NUMB: variants seen among roughly 807,000 people sequenced by gnomAD.
NUMB encodes NUMB endocytic adaptor protein, also known as protein numb homolog.
NUMB carries 29 observed loss-of-function variants against 59.7 expected under a neutral mutation model. That is an observed-to-expected ratio of 0.49 (90% CI 0.36 to 0.66). The LOEUF is 0.66. Ranked by LOEUF, NUMB falls within the 30% of genes least tolerant of loss-of-function variation. NUMB has a pLI of 0.00. For missense variants in NUMB, 723 were observed against 822.0 expected, an observed-to-expected ratio of 0.88 and a Z score of 1.47; for synonymous variants, 288 against 288.2, an observed-to-expected ratio of 1.00 and a Z score of 0.01.
chr14:73,396,545 T>TTC (rs1896149145), intron 2 of NUMB, among the ~76,000 whole-genome samples: 2 of 152,038 alleles, frequency 1.3e-5, no homozygotes, highest in Admixed American at 1.3e-4. Flanking sequence ...GTTGTTTTTT[T>TTC]GTTTTGGAGA....
chr14:73,319,000 G>A (rs935797453), intron 5 of NUMB, among the ~76,000 whole-genome samples: 1 of 152,164 alleles, frequency 6.6e-6, no homozygotes, highest in Admixed American at 6.5e-5. Context: ...AAGGCTGGGC[G>A]CAGTGGCTCA....
Position 73,391,053 on chromosome 14 carries a change from T to TA in NUMB, c.-101+18883dup, listed in dbSNP as rs1491386138. On this transcript the variant is annotated intron_variant, in intron 2 of 12. Transcript: ENST00000555238. Reference sequence around the variant, plus strand: ...TATATTCAACCTCTATTTTTGAAAATAGAGGTTGAATATATATTCAAACTC... The same window carrying TA: ...TATATTCAACCTCTATTTTTGAAAATAAGAGGTTGAATATATATTCAAACTC... Among the ~76,000 whole-genome samples the TA allele has an allele frequency of 1.1e-3, 115 of 101,396 alleles. 1 individual carries two copies. The highest frequency in any genetic ancestry group is 3.3e-3 in the African/African-American group (113 of 34,682). The allele number at this position is 101,396 out of a possible 152,430, so 66.5% of individuals were successfully genotyped here. A position where few individuals can be genotyped will look rare whatever the true frequency, so the allele number is the denominator to read the frequency against.
chr14:73,352,489 T>C (rs1219249378), intron 4 of NUMB, among the ~76,000 whole-genome samples: 129 of 6,620 alleles, frequency 0.019, 10 homozygotes, highest in East Asian at 0.026. Context: ...TATATATATA[T>C]ATATATATAT....
chr14:73,370,738 A>G (rs1336254679), intron 2 of NUMB, among the ~76,000 whole-genome samples: 1 of 152,046 alleles, frequency 6.6e-6, no homozygotes, highest in Non-Finnish European at 1.5e-5. Context: ...TATGCCAACA[A>G]TTTGAAATTT....
chr14:73,308,421 C>G (rs570818881), intron 6 of NUMB, among the ~76,000 whole-genome samples: 28 of 152,130 alleles, frequency 1.8e-4, no homozygotes, highest in African/African-American at 6.8e-4. Context: ...TAGCAGATAT[C>G]GAAGAGAAAA....
chr14:73,444,649 A>G (rs931621019), intron 1 of NUMB, among the ~76,000 whole-genome samples: 5 of 152,020 alleles, frequency 3.3e-5, no homozygotes, highest in Admixed American at 3.3e-4. Flanking sequence ...CACAAGGTCA[A>G]GAGATCGAGA....
intron 2 of NUMB, among the ~76,000 whole-genome samples, chr14:73,369,555 C>T (rs1235851132): frequency 6.6e-6 from 1 of 152,132 alleles, no homozygotes; most frequent in Admixed American, 6.5e-5. Flanking sequence ...GGCAGTAAGA[C>T]ACAAAGGGAT....
intron 5 of NUMB, among the ~76,000 whole-genome samples, chr14:73,317,225 T>C (rs17182335): frequency 0.16 from 23,827 of 152,252 alleles, 2,683 homozygotes; most frequent in Non-Finnish European, 0.23. Flanking sequence ...ATGATGTCTG[T>C]GGGCCACAAC....
rs202244370 is a variant in NUMB at position 73,309,570 on chromosome 14, AG to A, written c.234+6819del. ...GGAACACCACACACTGGGGCCTGTC[AG>A]AGAGTTGGGGGCAAGGGGACAAATA... On this transcript the variant is annotated intron_variant, in intron 6 of 12. Coordinates refer to ENST00000555238, the MANE Select transcript of NUMB (RefSeq NM_001005743.2). Among the ~76,000 whole-genome samples the A allele has an allele frequency of 3.9e-5, 6 of 152,052 alleles. 1 individual carries two copies. The East Asian group carries it at 1.2e-3, about 29-fold the overall frequency.
At chr14:73,364,195 A>G (rs1566762291) in intron 3 of NUMB, among the ~76,000 whole-genome samples, 1 of 152,178 alleles carries the variant, frequency 6.6e-6, no homozygotes, top group African/African-American at 2.4e-5. Flanking sequence ...ACCTAGAAAA[A>G]GTTTCTATCA....
chr14:73,383,285 G>T (rs959287026), intron 2 of NUMB, among the ~76,000 whole-genome samples: 4 of 151,918 alleles, frequency 2.6e-5, no homozygotes, highest in Non-Finnish European at 5.9e-5. Context: ...CAGAGAACTG[G>T]AATCTATGAA....
intron 2 of NUMB, among the ~76,000 whole-genome samples, chr14:73,376,042 T>C (rs1221660524): frequency 6.6e-6 from 1 of 152,196 alleles, no homozygotes; most frequent in African/African-American, 2.4e-5. Flanking sequence ...TTCAACGTCA[T>C]ACTGGAAGTC....
chr14:73,432,411 A>G (rs982009790), intron 1 of NUMB, among the ~76,000 whole-genome samples: 10 of 152,274 alleles, frequency 6.6e-5, no homozygotes, highest in African/African-American at 2.4e-4. Context: ...AATGAGAGGA[A>G]TGAATGCTAC....
intron 8 of NUMB, among the ~76,000 whole-genome samples, chr14:73,290,254 T>G (rs185833597): frequency 2.0e-5 from 3 of 152,330 alleles, no homozygotes; most frequent in Admixed American, 6.5e-5. Context: ...GTTTTGTTAC[T>G]TCAACTCATT....
chr14:73,381,427 C>G (rs1453107149), intron 2 of NUMB, among the ~76,000 whole-genome samples: 1 of 152,190 alleles, frequency 6.6e-6, no homozygotes, highest in African/African-American at 2.4e-5. Flanking sequence ...CCTTGCCCAT[C>G]AGACCAAGCT....
intron 2 of NUMB, among the ~76,000 whole-genome samples, chr14:73,405,040 T>C (rs1896594252): frequency 6.6e-6 from 1 of 152,200 alleles, no homozygotes; most frequent in Non-Finnish European, 1.5e-5. Flanking sequence ...ATTACAGGCG[T>C]GAGAAAATTA....
rs769547029 is a variant in NUMB at position 73,282,523 on chromosome 14, A to G, written c.950-18T>C. 6 of 1,610,574 alleles carry G rather than the reference A, an allele frequency of 3.7e-6. No homozygotes were observed. The highest frequency in any genetic ancestry group is 1.3e-5 in the African/African-American group (1 of 74,818). ...TTCTGGCACTGCAAGGCAAACAGAA[A>G]ATGGCTCCAGACAGAAAAATGGAAT... On this transcript the variant is annotated intron_variant, in intron 10 of 12. Coordinates refer to ENST00000555238, the MANE Select transcript of NUMB (RefSeq NM_001005743.2).
At chr14:73,371,271 C>T (rs907015275) in intron 2 of NUMB, among the ~76,000 whole-genome samples, 2 of 152,120 alleles carry the variant, frequency 1.3e-5, no homozygotes, top group Non-Finnish European at 2.9e-5. Flanking sequence ...CTCAGTGGCT[C>T]ACGCCTGTAA....
chr14:73,453,671 G>A (rs1040054859), intron 1 of NUMB, among the ~76,000 whole-genome samples: 17 of 148,632 alleles, frequency 1.1e-4, no homozygotes, highest in African/African-American at 3.2e-4. Flanking sequence ...GCAGTGGCGC[G>A]ATCTCAGCTC....
Sources: allele counts gnomAD v4.1 joint callset (sites outside exome capture counted in the v4.1 genomes callset), GRCh38; gene constraint gnomAD v4.1.1; transcripts MANE v1.5; gene names NCBI Gene and HGNC (gene_info 2026-07-23, HGNC 2026-07-21).